Variants in GPATCH8 observed in about 807,000 individuals in gnomAD.
GPATCH8 encodes G patch domain-containing protein 8.
In GPATCH8, 18 loss-of-function variants were observed where a neutral mutation model predicts 118.3. The ratio of observed to expected loss-of-function variants is 0.15; its 90% CI spans 0.11 to 0.23. The LOEUF is 0.23. Among genes scored for constraint, GPATCH8 ranks in the 10% least tolerant of loss-of-function variants. GPATCH8 has a pLI of 1.00. For missense variants in GPATCH8, 1,631 were observed against 1,873.8 expected, an observed-to-expected ratio of 0.87 and a Z score of 2.39; for synonymous variants, 659 against 684.7, an observed-to-expected ratio of 0.96 and a Z score of 0.59.
intron 3 of GPATCH8, among the ~76,000 whole-genome samples, chr17:44,460,264 T>C (rs2051492813): frequency 1.3e-5 from 2 of 152,300 alleles, no homozygotes; most frequent in Non-Finnish European, 2.9e-5. Context: ...GCTTTTTTTG[T>C]GTTGTTTCCT....
chr17:44,448,656 C>A (rs2050996676), intron 3 of GPATCH8, among the ~76,000 whole-genome samples: 4 of 151,902 alleles, frequency 2.6e-5, no homozygotes, highest in Admixed American at 1.3e-4. Context: ...GGACACTCCA[C>A]TCTCTTGCCT....
chr17:44,457,856 C>G (rs2051392872), intron 3 of GPATCH8, among the ~76,000 whole-genome samples: 1 of 151,912 alleles, frequency 6.6e-6, no homozygotes, highest in African/African-American at 2.4e-5. Flanking sequence ...CCGAGGTGGG[C>G]AGATCACGAG....
At chr17:44,468,240 TGA>T in intron 2 of GPATCH8, among the ~76,000 whole-genome samples, 1 of 152,150 alleles carries the variant, frequency 6.6e-6, no homozygotes, top group South Asian at 2.1e-4. Flanking sequence ...CCCCAAGTGT[TGA>T]GATTACAGGC....
chr17:44,415,143 CCACTATCTTTT>C (rs2049627300), intron 6 of GPATCH8, among the ~76,000 whole-genome samples: 1 of 152,148 alleles, frequency 6.6e-6, no homozygotes, highest in Admixed American at 6.5e-5. Context: ...AAAAACTTTT[CCACTATCTTTT>C]CACTATCTCA....
intron 5 of GPATCH8, among the ~76,000 whole-genome samples, chr17:44,431,123 C>T (rs1448958656): frequency 6.6e-6 from 1 of 151,490 alleles, no homozygotes; most frequent in Non-Finnish European, 1.5e-5. Flanking sequence ...GTAATCCCAG[C>T]ATTTTGGGAG....
chr17:44,483,167 AAAAAAAAAAATATAT>A (rs1306461356), intron 1 of GPATCH8, among the ~76,000 whole-genome samples: 4 of 26,092 alleles, frequency 1.5e-4, no homozygotes, highest in South Asian at 1.7e-3. Flanking sequence ...AAAAAAAAAA[AAAAAAAAAAATATAT>A]ATATATATAT....
chr17:44,435,894 C>A (rs573106275), intron 4 of GPATCH8, among the ~76,000 whole-genome samples: 1 of 150,384 alleles, frequency 6.6e-6, no homozygotes, highest in Non-Finnish European at 1.5e-5. Context: ...TGGTGTCATG[C>A]GCCTGTAATC....
At chr17:44,480,707 C>CA (rs1370443105) in intron 1 of GPATCH8, among the ~76,000 whole-genome samples, 1,802 of 100,178 alleles carry the variant, frequency 0.018, 26 homozygotes, top group East Asian at 0.062. Flanking sequence ...GCAACAAGGG[C>CA]AAAAAAAAAA....
chr17:44,496,057 T>C (rs1969646860), intron 1 of GPATCH8, among the ~76,000 whole-genome samples: 1 of 152,094 alleles, frequency 6.6e-6, no homozygotes, highest in African/African-American at 2.4e-5. Context: ...TTAGTAGAGA[T>C]GGGTTTTCAC....
At chr17:44,416,746 A>C (rs2049701052) in intron 6 of GPATCH8, among the ~76,000 whole-genome samples, 1 of 152,222 alleles carries the variant, frequency 6.6e-6, no homozygotes, top group Admixed American at 6.5e-5. Flanking sequence ...CAATTTAGAC[A>C]AAGTTAATTA....
rs2048798595 is a variant in GPATCH8 at position 44,396,908 on chromosome 17, T to C, written c.*660A>G. 6.6e-6 allele frequency: 3 copies of C among 454,052 alleles called. No individual in the cohort carries two copies. Among genetic ancestry groups the C allele is most frequent in the South Asian group, 1.6e-5 (1 of 64,480 alleles). 28.1% of individuals were successfully genotyped at this position (454,052 alleles called of 1,614,324 possible). On this transcript the variant is annotated 3_prime_UTR_variant, in exon 8 of 8. Coordinates refer to ENST00000591680, the MANE Select transcript of GPATCH8 (RefSeq NM_001002909.4). The stretch of plus-strand genomic sequence containing the variant: ...TGATAGGATCTTCTTTTCTGGGATA[T>C]GGAGATGCCTCTTCTGGGATGAGGG...
chr17:44,468,701 A>G (rs1334495596), intron 2 of GPATCH8, among the ~76,000 whole-genome samples: 4 of 152,084 alleles, frequency 2.6e-5, no homozygotes, highest in Non-Finnish European at 5.9e-5. Context: ...ATCTCATAGA[A>G]CCAAAAATAA....
In GPATCH8 at chr17:44,425,676, G is replaced by A. The variant is rs144022730; in HGVS notation, c.349-1184C>T. Among the ~76,000 whole-genome samples, 625 of 152,138 alleles carry A rather than the reference G, an allele frequency of 4.1e-3. 3 individuals carry two copies. Among genetic ancestry groups the A allele is most frequent in the African/African-American group, 0.014 (584 of 41,494 alleles). On this transcript the variant is annotated intron_variant, in intron 5 of 7. Coordinates refer to ENST00000591680, the MANE Select transcript of GPATCH8 (RefSeq NM_001002909.4). ...CCCAAGTATCTTGGACTATAGGCGT[G>A]TACCAGCAAACCTAGCTAACTTTTG...
rs1422168171 is a variant in GPATCH8, at chr17:44,400,388, G to A, written c.1689C>T (p.Pro563=). ...SELLIFTKAE[P]SISYSCNPLY... ...AAGGGTTACAACTGTATGAAATGGA[G>A]GGTTCTGCCTTGGTGAAAATTAATA... The change falls in exon 8 of 8, where the codon CCC becomes CCT. Residue 563 remains proline (P), a synonymous_variant. Transcript: ENST00000591680. 1 of 1,613,622 alleles carries A rather than the reference G, an allele frequency of 6.2e-7. No individual in the cohort carries two copies. The highest frequency in any genetic ancestry group is 1.3e-5 in the African/African-American group (1 of 74,918).
chr17:44,413,318 T>TG (rs1477948802), intron 6 of GPATCH8, among the ~76,000 whole-genome samples: 1 of 152,200 alleles, frequency 6.6e-6, no homozygotes, highest in African/African-American at 2.4e-5. Context: ...TCACCCAGGA[T>TG]GGAGTACAGT....
At chr17:44,418,279 C>T (rs2049762083) in intron 6 of GPATCH8, among the ~76,000 whole-genome samples, 1 of 152,070 alleles carries the variant, frequency 6.6e-6, no homozygotes, top group South Asian at 2.1e-4. Context: ...GAATTTTAGG[C>T]CTCTTGAAAT....
At chr17:44,435,978 G>A (rs990070081) in intron 4 of GPATCH8, among the ~76,000 whole-genome samples, 3 of 132,614 alleles carry the variant, frequency 2.3e-5, no homozygotes, top group South Asian at 2.3e-4. Context: ...GCAGTGAGCC[G>A]AGACTGCGCC....
At chr17:44,412,249 C>T (rs950495952) in intron 6 of GPATCH8, among the ~76,000 whole-genome samples, 1 of 151,936 alleles carries the variant, frequency 6.6e-6, no homozygotes, top group Non-Finnish European at 1.5e-5. Flanking sequence ...ATTAGTTGGG[C>T]GCAGTGGTTA....
At chr17:44,402,151 C>G (rs1244186636) in intron 7 of GPATCH8, among the ~76,000 whole-genome samples, 3 of 151,736 alleles carry the variant, frequency 2.0e-5, no homozygotes, top group Non-Finnish European at 4.4e-5. Context: ...GAAACCCCGC[C>G]TCTGCTAAAA....
Sources: allele counts gnomAD v4.1 joint callset (sites outside exome capture counted in the v4.1 genomes callset), GRCh38; gene constraint gnomAD v4.1.1; transcripts MANE v1.5; gene names NCBI Gene and HGNC (gene_info 2026-07-23, HGNC 2026-07-21).